Variants in GMDS observed in about 807,000 individuals in gnomAD.
GMDS encodes the protein GDP-mannose 4,6 dehydratase.
Under a neutral mutation model 49.9 loss-of-function variants are expected in GMDS, and 20 were observed. The observed-to-expected ratio is 0.40, with a 90% CI of 0.28 to 0.58. The LOEUF (loss-of-function observed/expected upper bound fraction) is 0.58. Ranked by LOEUF, GMDS falls within the 20% of genes least tolerant of loss-of-function variation. The pLI, the probability that GMDS is intolerant of heterozygous loss-of-function variation, is 0.42. For synonymous variants in GMDS, 177 were observed against 178.6 expected (o/e 0.99, Z 0.07); for missense variants, 362 against 481.4 (o/e 0.75, Z 2.32).
chr6:1,990,803 C>T (rs923924119), intron 4 of GMDS, among the ~76,000 whole-genome samples: 13 of 150,432 alleles, frequency 8.6e-5, no homozygotes, highest in African/African-American at 2.7e-4. Context: ...AAGTTGGTCT[C>T]GAACTCCTGG....
chr6:1,848,641 C>A (rs1224173785), intron 7 of GMDS, among the ~76,000 whole-genome samples: 1 of 152,192 alleles, frequency 6.6e-6, no homozygotes, highest in African/African-American at 2.4e-5. Flanking sequence ...AACTTGGTTG[C>A]TCTGTGCTTG....
intron 7 of GMDS, among the ~76,000 whole-genome samples, chr6:1,868,093 T>G (rs1758529136): frequency 6.6e-6 from 1 of 152,048 alleles, no homozygotes; most frequent in South Asian, 2.1e-4. Flanking sequence ...TTCAAGCTAT[T>G]CTCCTGCTTC....
intron 1 of GMDS, among the ~76,000 whole-genome samples, chr6:2,125,893 T>A (rs1775404710): frequency 6.6e-6 from 1 of 152,198 alleles, no homozygotes; most frequent in African/African-American, 2.4e-5. Flanking sequence ...AATGAACTTT[T>A]AAAAAAAGAA....
chr6:1,682,290 C>T (rs1764817337), intron 9 of GMDS, among the ~76,000 whole-genome samples: 1 of 152,216 alleles, frequency 6.6e-6, no homozygotes, highest in African/African-American at 2.4e-5. Context: ...AGGTACACTT[C>T]ATAACACCTT....
chr6:1,652,942 C>T (rs1171925571), intron 9 of GMDS, among the ~76,000 whole-genome samples: 1 of 148,942 alleles, frequency 6.7e-6, no homozygotes, highest in Non-Finnish European at 1.5e-5. Context: ...CTGTGTATGT[C>T]CCTCTCGATC....
At chr6:2,097,453 G>A (rs1056716508) in intron 4 of GMDS, among the ~76,000 whole-genome samples, 2 of 152,138 alleles carry the variant, frequency 1.3e-5, no homozygotes, top group Admixed American at 6.5e-5. Flanking sequence ...CTAAAACGAC[G>A]AGGGGTGAAA....
intron 7 of GMDS, among the ~76,000 whole-genome samples, chr6:1,900,909 C>T (rs79383220): frequency 0.025 from 3,828 of 152,324 alleles, 153 homozygotes; most frequent in African/African-American, 0.086. Context: ...GTGTTTCAGA[C>T]GACTCAGTTA....
At chr6:1,857,981 A>G (rs1157040678) in intron 7 of GMDS, among the ~76,000 whole-genome samples, 1 of 152,196 alleles carries the variant, frequency 6.6e-6, no homozygotes, top group Non-Finnish European at 1.5e-5. Flanking sequence ...ATGTCACACC[A>G]TGTTAGAGGA....
chr6:2,088,002 T>A (rs2127473738), intron 4 of GMDS, among the ~76,000 whole-genome samples: 1 of 152,252 alleles, frequency 6.6e-6, no homozygotes, highest in Admixed American at 6.5e-5. Flanking sequence ...GACTTAACAA[T>A]TAATTCAGCA....
intron 4 of GMDS, among the ~76,000 whole-genome samples, chr6:1,991,697 G>A (rs1028001883): frequency 6.6e-6 from 1 of 152,110 alleles, no homozygotes; most frequent in South Asian, 2.1e-4. Context: ...CGTTCATGTT[G>A]CCTAGTGTGG....
At chr6:2,044,553 G>C (rs903475403) in intron 4 of GMDS, among the ~76,000 whole-genome samples, 5 of 152,068 alleles carry the variant, frequency 3.3e-5, no homozygotes, top group African/African-American at 1.2e-4. Context: ...CAGACACTGG[G>C]GCTTCCCAGA....
intron 4 of GMDS, among the ~76,000 whole-genome samples, chr6:1,988,698 GTTTAAAAACAATA>G (rs1765723973): frequency 6.6e-6 from 1 of 152,050 alleles, no homozygotes; most frequent in South Asian, 2.1e-4. Context: ...TATTGTCAAT[GTTTAAAAACAATA>G]TTTAAAAACA....
chr6:1,929,920 G>A (rs150329210), intron 7 of GMDS, among the ~76,000 whole-genome samples, 183 bp downstream of exon 7: 4 of 152,300 alleles, frequency 2.6e-5, no homozygotes, highest in East Asian at 1.9e-4. Context: ...CTACCTGTAC[G>A]TCTGAACCAC....
In GMDS at chr6:1,635,389, GC is replaced by G. The variant is rs1206088041; in HGVS notation, c.988-10850del. 6.6e-6 allele frequency among the ~76,000 whole-genome samples: 1 copy of G among 152,156 alleles called. No homozygotes were observed. Among genetic ancestry groups the G allele is most frequent in the African/African-American group, 2.4e-5 (1 of 41,438 alleles). On this transcript the variant is annotated intron_variant, in intron 9 of 10. Transcript: ENST00000380815. This position sits in a 1 kb window ranked among gnomAD's most constrained non-coding sequence, Gnocchi z 4.7. Reference sequence around the variant, plus strand: ...CTGTGTCCACTGCGCAACCAACATGGCCCACTTTCATCCTCCGGCTGCAGCA... The same window carrying G: ...CTGTGTCCACTGCGCAACCAACATGGCCACTTTCATCCTCCGGCTGCAGCA...
At chr6:1,832,910 C>T (rs530712008) in intron 7 of GMDS, among the ~76,000 whole-genome samples, 4 of 152,300 alleles carry the variant, frequency 2.6e-5, no homozygotes, top group Non-Finnish European at 5.9e-5. Flanking sequence ...CAGGCTGCGT[C>T]TCTGTGGCCA....
At chr6:1,729,091 T>C (rs561358072) in intron 8 of GMDS, among the ~76,000 whole-genome samples, 1 of 152,312 alleles carries the variant, frequency 6.6e-6, no homozygotes, top group East Asian at 1.9e-4. Context: ...GGAAAGCATT[T>C]AATTCCTGTT....
In GMDS at chr6:1,903,778, C is replaced by T. The variant is rs1035940795; in HGVS notation, c.771+26325G>A. On this transcript the variant is annotated intron_variant, in intron 7 of 10. Coordinates refer to ENST00000380815, the MANE Select transcript of GMDS (RefSeq NM_001500.4). ...AAGTTCACTCAGATGTGCTTACGGG[C>T]GCCTCCCTCCCCTCAGTGCCCTCCC... 8.5e-5 allele frequency among the ~76,000 whole-genome samples: 8 copies of T among 93,748 alleles called. No homozygotes were observed. The South Asian group carries it at 1.3e-3, about 16-fold the overall frequency. The allele number at this position is 93,748 out of a possible 152,430, so 61.5% of individuals were successfully genotyped here.
At chr6:1,691,020 A>G (rs1205354872) in intron 9 of GMDS, among the ~76,000 whole-genome samples, 1 of 152,234 alleles carries the variant, frequency 6.6e-6, no homozygotes, top group Non-Finnish European at 1.5e-5. Flanking sequence ...TATATACCCA[A>G]AGGAACATAA....
At chr6:1,966,914 T>A (rs1446802789) in intron 4 of GMDS, among the ~76,000 whole-genome samples, 1 of 152,174 alleles carries the variant, frequency 6.6e-6, no homozygotes, top group East Asian at 1.9e-4. Flanking sequence ...GCATCACCTT[T>A]CATGGGAACC....
Sources: gnomAD v4.1 joint callset for allele counts (sites outside exome capture counted in the v4.1 genomes callset) on GRCh38, gnomAD v4.1.1 for gene constraint, Gnocchi (gnomAD v3.1) non-coding constraint, MANE v1.5 for transcripts, NCBI Gene and HGNC (gene_info 2026-07-23, HGNC 2026-07-21) for gene names.